RPTOR: variants seen among roughly 807,000 people sequenced by gnomAD.
The protein encoded by RPTOR is regulatory-associated protein of mTOR.
A neutral mutation model predicts 169.9 loss-of-function variants in RPTOR; 21 were observed. The observed-to-expected ratio is 0.12, with a 90% CI of 0.09 to 0.18. RPTOR has a LOEUF of 0.18. Ranked by LOEUF, RPTOR falls within the 10% of genes least tolerant of loss-of-function variation. The probability of loss-of-function intolerance (pLI) is 1.00; values close to 1 mark genes in which losing one functional copy is unlikely to be tolerated. For synonymous variants in RPTOR, 732 were observed against 753.2 expected (o/e 0.97, Z 0.46); for missense variants, 1,133 against 1,855.9 (o/e 0.61, Z 7.16).
chr17:80,658,954 G>T (rs527537579), intron 3 of RPTOR, among the ~76,000 whole-genome samples: 2 of 152,304 alleles, frequency 1.3e-5, no homozygotes, highest in East Asian at 3.9e-4. Context: ...TGAAATGGGG[G>T]GTGTGTGTTG....
In RPTOR at chr17:80,965,621, G is replaced by A. The variant is rs140578663; in HGVS notation, c.*1291G>A. The A allele has an allele frequency of 4.0e-4, 94 of 233,352 alleles. No homozygotes were observed. The highest frequency in any genetic ancestry group is 6.1e-4 in the Non-Finnish European group (72 of 118,074). The allele number at this position is 233,352 out of a possible 1,614,324, so 14.5% of individuals were successfully genotyped here. On this transcript the variant is annotated 3_prime_UTR_variant, in exon 34 of 34. Coordinates refer to ENST00000306801, the MANE Select transcript of RPTOR (RefSeq NM_020761.3). ...CTGGCGGTGAGAGGCCCACGACCAC[G>A]GGAGTGAGAGCTGGTGTGGCGAGGC...
intron 1 of RPTOR, among the ~76,000 whole-genome samples, chr17:80,565,357 C>T (rs751792453): frequency 1.3e-5 from 2 of 152,028 alleles, no homozygotes; most frequent in Non-Finnish European, 2.9e-5. Flanking sequence ...TGGATTGCTG[C>T]GGAATAATTG....
At chr17:80,949,591 G>C (rs2069147880) in intron 28 of RPTOR, 44 bp downstream of exon 28, 1 of 1,516,286 alleles carries the variant, frequency 6.6e-7, no homozygotes. Flanking sequence ...GTGTTCCCGG[G>C]GCTGCGGACG....
intron 17 of RPTOR, among the ~76,000 whole-genome samples, chr17:80,886,260 G>A (rs1283749028): frequency 6.6e-6 from 1 of 152,254 alleles, no homozygotes; most frequent in Non-Finnish European, 1.5e-5. Context: ...TCAGCCAGAC[G>A]AAGTGTGGAA....
chr17:80,720,238 A>G (rs577799482), intron 4 of RPTOR, among the ~76,000 whole-genome samples: 1 of 152,300 alleles, frequency 6.6e-6, no homozygotes, highest in Non-Finnish European at 1.5e-5. Flanking sequence ...TGGAGGTTGC[A>G]GTGAGCCGAG....
chr17:80,638,705 A>G (rs2065528759), intron 2 of RPTOR, among the ~76,000 whole-genome samples: 1 of 152,192 alleles, frequency 6.6e-6, no homozygotes, highest in Non-Finnish European at 1.5e-5. Flanking sequence ...AAGGGGGTTA[A>G]CTGCTTGGAG....
Position 80,966,215 on chromosome 17 carries a change from A to G in RPTOR, c.*1885A>G, listed in dbSNP as rs1001190828. The G allele has an allele frequency of 4.4e-6, 1 of 229,432 alleles. No homozygotes were observed. Among genetic ancestry groups the G allele is most frequent in the African/African-American group, 2.2e-5 (1 of 44,942 alleles). The allele number at this position is 229,432 out of a possible 1,614,324, so 14.2% of individuals were successfully genotyped here. Reference sequence around the variant, plus strand: ...TTCACAGGTCTGATGTGAAAATTCAATCACGACGTTAACCGGCTCGAGAGA... The same window carrying G: ...TTCACAGGTCTGATGTGAAAATTCAGTCACGACGTTAACCGGCTCGAGAGA... On this transcript the variant is annotated 3_prime_UTR_variant, in exon 34 of 34. Transcript: ENST00000306801.
chr17:80,709,102 G>T (rs34461761), intron 4 of RPTOR: 1 of 985,272 alleles, frequency 1.0e-6, no homozygotes, highest in African/African-American at 1.7e-5. Flanking sequence ...AGCCAGCCTC[G>T]GAAGTTAGAA....
intron 13 of RPTOR, among the ~76,000 whole-genome samples, chr17:80,867,874 A>G (rs2068011198): frequency 6.6e-6 from 1 of 152,260 alleles, no homozygotes; most frequent in South Asian, 2.1e-4. Flanking sequence ...GAAGACCTAA[A>G]TAAATGAAGA....
At chr17:80,634,556 CTGTGTGTGTGCATACTG>C (rs2065480591) in intron 2 of RPTOR, among the ~76,000 whole-genome samples, 4 of 72,174 alleles carry the variant, frequency 5.5e-5, no homozygotes, top group Admixed American at 1.5e-4. Context: ...TGTGTGCATA[CTGTGTGTGTGCATACTG>C]TGTGTGTGTG....
chr17:80,619,303 A>T (rs897363655), intron 1 of RPTOR, among the ~76,000 whole-genome samples: 2 of 152,098 alleles, frequency 1.3e-5, no homozygotes, highest in Non-Finnish European at 2.9e-5. Flanking sequence ...GAACATGTTT[A>T]ATTTCTTCAT....
chr17:80,827,634 G>T (rs1032414006), intron 9 of RPTOR, among the ~76,000 whole-genome samples: 2 of 152,188 alleles, frequency 1.3e-5, no homozygotes, highest in Non-Finnish European at 2.9e-5. Flanking sequence ...CTGGGGCCAC[G>T]TTCAAGCCTG....
chr17:80,710,281 A>G (rs2066176911), intron 4 of RPTOR, among the ~76,000 whole-genome samples: 1 of 151,998 alleles, frequency 6.6e-6, no homozygotes, highest in African/African-American at 2.4e-5. Flanking sequence ...AGCGTGAGCC[A>G]CTGCGCCCCG....
At position 80,754,230 on chromosome 17, in the gene RPTOR, C is replaced by T. The variant is rs749544804; in HGVS notation, c.830+45C>T. ...CCCCTGGGACCCACTCAACTGGGCT[C>T]TCCCGCAGGGACCCCAACCCATGTG... On this transcript the variant is annotated intron_variant, in intron 6 of 33. Transcript: ENST00000306801. This position sits in a 1 kb window ranked among gnomAD's most constrained non-coding sequence, Gnocchi z 4.2. 15 of 1,530,884 alleles carry T rather than the reference C, an allele frequency of 9.8e-6. No individual in the cohort carries two copies. The African/African-American group carries it at 1.2e-4, about 13-fold the overall frequency. 94.8% of individuals were successfully genotyped at this position (1,530,884 alleles called of 1,614,324 possible). A position where few individuals can be genotyped will look rare whatever the true frequency, so the allele number is the denominator to read the frequency against.
intron 1 of RPTOR, among the ~76,000 whole-genome samples, chr17:80,558,841 C>T (rs912124748): frequency 2.6e-5 from 4 of 152,220 alleles, no homozygotes; most frequent in Non-Finnish European, 5.9e-5. Context: ...CAGGATCACA[C>T]GTTGCATTTG....
chr17:80,606,794 C>T (rs988629618), intron 1 of RPTOR, among the ~76,000 whole-genome samples: 1 of 152,124 alleles, frequency 6.6e-6, no homozygotes, highest in African/African-American at 2.4e-5. Context: ...TCCATCCATC[C>T]ATCCATCCAT....
chr17:80,852,554 C>A (rs114492714), intron 11 of RPTOR, among the ~76,000 whole-genome samples: 1 of 152,142 alleles, frequency 6.6e-6, no homozygotes, highest in Non-Finnish European at 1.5e-5. Context: ...GTGAACCCAG[C>A]GTGGGAGCTG....
intron 1 of RPTOR, among the ~76,000 whole-genome samples, chr17:80,583,065 G>A (rs1047042994): frequency 1.1e-4 from 16 of 150,716 alleles, no homozygotes; most frequent in Non-Finnish European, 1.5e-4. Flanking sequence ...CCAGGCATGC[G>A]CCACCACGCC....
intron 1 of RPTOR, among the ~76,000 whole-genome samples, chr17:80,558,732 G>T (rs1269627335): frequency 6.6e-6 from 1 of 152,068 alleles, no homozygotes; most frequent in African/African-American, 2.4e-5. Flanking sequence ...TGAGAGTCAG[G>T]ACCTGTATCA....
Sources: allele counts gnomAD v4.1 joint callset (sites outside exome capture counted in the v4.1 genomes callset), GRCh38; gene constraint gnomAD v4.1.1; non-coding constraint Gnocchi (gnomAD v3.1); transcripts MANE v1.5; gene names NCBI Gene and HGNC (gene_info 2026-07-23, HGNC 2026-07-21).